Variants in PTPRD observed in about 807,000 individuals in gnomAD.
PTPRD encodes the protein receptor-type tyrosine-protein phosphatase delta.
Under a neutral mutation model 214.5 loss-of-function variants are expected in PTPRD, and 34 were observed. The observed-to-expected ratio is 0.16, with a 90% CI of 0.12 to 0.21. PTPRD has a LOEUF of 0.21. Among genes scored for constraint, PTPRD ranks in the 10% least tolerant of loss-of-function variants. The pLI is 1.00. For synonymous variants in PTPRD, 1,128 were observed against 845.7 expected (o/e 1.33, Z -5.79); for missense variants, 2,545 against 2,398.7 (o/e 1.06, Z -1.27).
intron 10 of PTPRD, among the ~76,000 whole-genome samples, chr9:9,119,671 G>A (rs552337219): frequency 1.1e-4 from 17 of 151,862 alleles, no homozygotes; most frequent in African/African-American, 3.6e-4. Context: ...CTACAGGCGC[G>A]TGCCACCACA....
intron 8 of PTPRD, among the ~76,000 whole-genome samples, chr9:9,548,459 G>T (rs1271235214): frequency 6.7e-6 from 1 of 148,818 alleles, no homozygotes; most frequent in Non-Finnish European, 1.5e-5. Context: ...CCAGGCTGGA[G>T]GGCAGTGACA....
At chr9:8,503,828 T>G (rs966453913) in intron 23 of PTPRD, among the ~76,000 whole-genome samples, 1 of 152,222 alleles carries the variant, frequency 6.6e-6, no homozygotes, top group Admixed American at 6.5e-5. Context: ...AAGGACTTGT[T>G]TGATTGCAAA....
At chr9:8,970,492 G>C (rs969197243) in intron 11 of PTPRD, among the ~76,000 whole-genome samples, 2 of 151,700 alleles carry the variant, frequency 1.3e-5, no homozygotes, top group African/African-American at 4.8e-5. Context: ...TAAGGAAACA[G>C]CAGAAAATTA....
intron 2 of PTPRD, among the ~76,000 whole-genome samples, chr9:10,566,962 T>G (rs1386998978): frequency 6.6e-6 from 1 of 152,098 alleles, no homozygotes; most frequent in African/African-American, 2.4e-5. Context: ...ATATTTAGGA[T>G]TCTGTTAAAA....
chr9:10,114,473 T>C (rs976106224), intron 3 of PTPRD, among the ~76,000 whole-genome samples: 7 of 152,136 alleles, frequency 4.6e-5, no homozygotes, highest in Admixed American at 2.6e-4. Flanking sequence ...AAAATTATAC[T>C]CTCTCGCTCG....
At chr9:8,884,411 G>C (rs966409065) in intron 11 of PTPRD, among the ~76,000 whole-genome samples, 1 of 152,222 alleles carries the variant, frequency 6.6e-6, no homozygotes, top group African/African-American at 2.4e-5. Flanking sequence ...ACAGGAAAAT[G>C]AGTAACCCAG....
chr9:8,404,468 A>G, intron 36 of PTPRD, 69 bp downstream of exon 36: 1 of 1,542,826 alleles, frequency 6.5e-7, no homozygotes, highest in Non-Finnish European at 8.8e-7. Flanking sequence ...ACCTCACTAA[A>G]ACAATATTCT....
At chr9:9,174,902 G>A (rs757216446) in intron 10 of PTPRD, among the ~76,000 whole-genome samples, 1 of 152,052 alleles carries the variant, frequency 6.6e-6, no homozygotes, top group Non-Finnish European at 1.5e-5. Context: ...CTGATCACCA[G>A]TGTGATGGAA....
At chr9:9,891,396 G>A (rs2073275776) in intron 5 of PTPRD, among the ~76,000 whole-genome samples, 1 of 149,092 alleles carries the variant, frequency 6.7e-6, no homozygotes, top group Non-Finnish European at 1.5e-5. Flanking sequence ...TTTTAGCACA[G>A]AAGTATCATT....
At chr9:8,788,873 C>T (rs899551535) in intron 11 of PTPRD, among the ~76,000 whole-genome samples, 1 of 152,162 alleles carries the variant, frequency 6.6e-6, no homozygotes, top group African/African-American at 2.4e-5. Context: ...TAATCCAGTA[C>T]AGGCAAGATG....
intron 10 of PTPRD, among the ~76,000 whole-genome samples, chr9:9,158,824 A>T (rs1447395704): frequency 6.6e-6 from 1 of 152,186 alleles, no homozygotes; most frequent in East Asian, 1.9e-4. Flanking sequence ...ATATTAGCAA[A>T]CTGAATTCAA....
intron 2 of PTPRD, among the ~76,000 whole-genome samples, chr9:10,511,784 C>T (rs2048125589): frequency 1.3e-5 from 2 of 149,436 alleles, no homozygotes; most frequent in Admixed American, 1.3e-4. Flanking sequence ...TTATATATCC[C>T]TTTACCACAT....
At chr9:9,626,555 G>A (rs1283186003) in intron 7 of PTPRD, among the ~76,000 whole-genome samples, 1 of 152,118 alleles carries the variant, frequency 6.6e-6, no homozygotes, top group Non-Finnish European at 1.5e-5. Context: ...AGAAGAGGAA[G>A]GAAGGAAGGG....
chr9:9,100,967 T>C (rs1166810621), intron 10 of PTPRD, among the ~76,000 whole-genome samples: 5 of 151,808 alleles, frequency 3.3e-5, no homozygotes, highest in Non-Finnish European at 5.9e-5. Context: ...AGATATTTTG[T>C]TGTGAAAGCA....
At chr9:10,107,106 T>A (rs1448977613) in intron 3 of PTPRD, among the ~76,000 whole-genome samples, 1 of 151,896 alleles carries the variant, frequency 6.6e-6, no homozygotes. Context: ...ATATGTGGGT[T>A]TCATGGAAGA....
At chr9:10,351,929 C>T (rs186584764) in intron 2 of PTPRD, among the ~76,000 whole-genome samples, 1 of 151,840 alleles carries the variant, frequency 6.6e-6, no homozygotes, top group African/African-American at 2.4e-5. Flanking sequence ...AAAATGTGCC[C>T]TAAAAACAGA....
chr9:9,738,167 G>A (rs1027553354), intron 6 of PTPRD, among the ~76,000 whole-genome samples: 22 of 152,050 alleles, frequency 1.4e-4, no homozygotes, highest in African/African-American at 5.3e-4. Context: ...ACGAGTTAAC[G>A]GGTGAGGCAC....
chr9:8,834,537 G>A (rs1003013431), intron 11 of PTPRD, among the ~76,000 whole-genome samples: 1 of 152,068 alleles, frequency 6.6e-6, no homozygotes, highest in African/African-American at 2.4e-5. Context: ...TATTAATACT[G>A]ACAGCATTAA....
At chr9:9,949,625 C>G (rs1024721815) in intron 4 of PTPRD, among the ~76,000 whole-genome samples, 2 of 152,142 alleles carry the variant, frequency 1.3e-5, no homozygotes, top group Non-Finnish European at 2.9e-5. Flanking sequence ...CCTAGTCCTA[C>G]TACGGAGTAG....
Sources: gnomAD v4.1 joint callset for allele counts (sites outside exome capture counted in the v4.1 genomes callset) on GRCh38, gnomAD v4.1.1 for gene constraint, MANE v1.5 for transcripts, NCBI Gene and HGNC (gene_info 2026-07-23, HGNC 2026-07-21) for gene names.